The following CNTNAP2 variants were observed in gnomAD, a reference collection of about 807,000 sequenced individuals.
CNTNAP2 encodes contactin-associated protein-like 2.
CNTNAP2 carries 98 observed loss-of-function variants against 155.2 expected under a neutral mutation model. That is an observed-to-expected ratio of 0.63 (90% CI 0.54 to 0.75). The LOEUF (loss-of-function observed/expected upper bound fraction) is 0.75, where lower values mean the gene tolerates loss of function less well. CNTNAP2 is among the 30% of genes least tolerant of loss of function. The pLI is 0.00. For missense variants in CNTNAP2, 1,727 were observed against 1,688.1 expected (o/e 1.02, Z -0.40); for synonymous variants, 651 against 631.2 (o/e 1.03, Z -0.47).
At chr7:147,982,465 T>C (rs895883303) in intron 15 of CNTNAP2, among the ~76,000 whole-genome samples, 5 of 152,146 alleles carry the variant, frequency 3.3e-5, no homozygotes, top group Non-Finnish European at 5.9e-5. Flanking sequence ...AAATTCAGTT[T>C]CTCAGAGCTA....
At position 147,455,646 on chromosome 7, in the gene CNTNAP2, T is replaced by C. The variant is rs187771900; in HGVS notation, c.1671-30289T>C. On this transcript the variant is annotated intron_variant, in intron 10 of 23. Transcript: ENST00000361727. Reference sequence around the variant, plus strand: ...AGAGGGAAACTTTCCCCATTCTTTTTGTGAAGTAATTTCATCAATGAAAAA... The same window carrying C: ...AGAGGGAAACTTTCCCCATTCTTTTCGTGAAGTAATTTCATCAATGAAAAA... 7.2e-5 allele frequency among the ~76,000 whole-genome samples: 11 copies of C among 152,256 alleles called. No individual in the cohort carries two copies. The East Asian group carries it at 2.1e-3, about 29-fold the overall frequency.
chr7:148,310,577 G>A (rs558926408), intron 21 of CNTNAP2, among the ~76,000 whole-genome samples: 13 of 152,176 alleles, frequency 8.5e-5, no homozygotes, highest in Admixed American at 1.3e-4. Context: ...CTTTTTTGTC[G>A]TGTCGGTGTC....
intron 21 of CNTNAP2, among the ~76,000 whole-genome samples, chr7:148,326,100 C>T (rs1440863126): frequency 1.3e-5 from 2 of 151,910 alleles, no homozygotes; most frequent in Non-Finnish European, 2.9e-5. Flanking sequence ...CCCAAGTGCA[C>T]CCAAGAGAGC....
chr7:146,251,779 A>G lies in CNTNAP2; in HGVS notation c.97+134806A>G, dbSNP rs139147978. ...ATATATGACTCAGAGCTTCAGACTT[A>G]ACGTCATACATTTTCACATAGGTTT... On this transcript the variant is annotated intron_variant, in intron 1 of 23. Coordinates refer to ENST00000361727, the MANE Select transcript of CNTNAP2 (RefSeq NM_014141.6). Among the ~76,000 whole-genome samples, 1,140 of 152,302 alleles carry G rather than the reference A, an allele frequency of 7.5e-3. 15 individuals carry two copies. Among genetic ancestry groups the G allele is most frequent in the African/African-American group, 0.025 (1,042 of 41,558 alleles).
At chr7:147,544,213 A>G (rs142681527) in intron 11 of CNTNAP2, among the ~76,000 whole-genome samples, 1 of 152,144 alleles carries the variant, frequency 6.6e-6, no homozygotes, top group Non-Finnish European at 1.5e-5. Flanking sequence ...TAAATTGGCA[A>G]ATTATGTTTG....
chr7:147,466,697 G>A (rs962899230), intron 10 of CNTNAP2, among the ~76,000 whole-genome samples: 4 of 152,204 alleles, frequency 2.6e-5, no homozygotes, highest in East Asian at 3.9e-4. Flanking sequence ...TGGGCTGATC[G>A]CCTGAGGTCG....
chr7:147,245,381 A>G (rs1231519367), intron 8 of CNTNAP2, among the ~76,000 whole-genome samples: 1 of 152,080 alleles, frequency 6.6e-6, no homozygotes, highest in African/African-American at 2.4e-5. Context: ...TCTGTGGGGT[A>G]GCAAATAAGC....
intron 21 of CNTNAP2, among the ~76,000 whole-genome samples, chr7:148,369,235 A>G (rs1188115623): frequency 9.7e-6 from 1 of 102,834 alleles, no homozygotes; most frequent in Non-Finnish European, 1.7e-5. Flanking sequence ...GAGTGCCTCT[A>G]TTGCCCAGGC....
chr7:146,721,889 A>ATATTTTTTTTTTTTTTTTTTTTTT lies in CNTNAP2; in HGVS notation c.98-52381_98-52380insATTTTTTTTTTTTTTTTTTTTTTT. Among the ~76,000 whole-genome samples the ATATTTTTTTTTTTTTTTTTTTTTT allele has an allele frequency of 2.9e-5, 2 of 69,738 alleles. 1 individual carries two copies. Among genetic ancestry groups the ATATTTTTTTTTTTTTTTTTTTTTT allele is most frequent in the African/African-American group, 3.8e-4 (2 of 5,258 alleles). The allele number at this position is 69,738 out of a possible 152,430, so 45.8% of individuals were successfully genotyped here. A position where few individuals can be genotyped will look rare whatever the true frequency, so the allele number is the denominator to read the frequency against. On this transcript the variant is annotated intron_variant, in intron 1 of 23. Transcript: ENST00000361727. ...TGTGTGTGTGTGTATATATATATAT[A>ATATTTTTTTTTTTTTTTTTTTTTT]TTTTTTTTTTTTTTTTTGAGATGGA...
At chr7:146,225,043 A>G (rs1380205516) in intron 1 of CNTNAP2, among the ~76,000 whole-genome samples, 1 of 152,198 alleles carries the variant, frequency 6.6e-6, no homozygotes, top group Non-Finnish European at 1.5e-5. Context: ...AAAAGTTTGG[A>G]AAGCTAAGAA....
At chr7:147,324,100 G>C (rs1795407554) in intron 9 of CNTNAP2, among the ~76,000 whole-genome samples, 1 of 152,018 alleles carries the variant, frequency 6.6e-6, no homozygotes, top group African/African-American at 2.4e-5. Context: ...TAAGAGGCCA[G>C]AGAAAGTATC....
intron 1 of CNTNAP2, among the ~76,000 whole-genome samples, chr7:146,759,497 T>C (rs1265966525): frequency 6.6e-6 from 1 of 151,662 alleles, no homozygotes; most frequent in Non-Finnish European, 1.5e-5. Flanking sequence ...ATCAAGACCA[T>C]CCTGGCCAAC....
At chr7:147,053,280 G>C (rs1367517201) in intron 4 of CNTNAP2, among the ~76,000 whole-genome samples, 3 of 152,030 alleles carry the variant, frequency 2.0e-5, no homozygotes, top group African/African-American at 7.2e-5. Context: ...CAAATTTAAA[G>C]CATGGAAATA....
intron 11 of CNTNAP2, among the ~76,000 whole-genome samples, chr7:147,491,625 T>C (rs1477401523): frequency 6.6e-6 from 1 of 152,224 alleles, no homozygotes; most frequent in Non-Finnish European, 1.5e-5. Context: ...GCACAGACTA[T>C]GCACGCAGTG....
intron 1 of CNTNAP2, among the ~76,000 whole-genome samples, chr7:146,745,047 C>T (rs149829337): frequency 6.6e-6 from 1 of 152,244 alleles, no homozygotes; most frequent in African/African-American, 2.4e-5. Context: ...AGGTTGTGTG[C>T]TCTAGGGCTT....
Position 146,174,269 on chromosome 7 carries a change from A to G in CNTNAP2, c.97+57296A>G, listed in dbSNP as rs149702076. On this transcript the variant is annotated intron_variant, in intron 1 of 23. Transcript: ENST00000361727. The stretch of plus-strand genomic sequence containing the variant: ...AACAACAGAATACCGAATACCCATA[A>G]TAAGAAATGTAAGATTCTCCATGAA... Among the ~76,000 whole-genome samples, 650 of 152,110 alleles carry G rather than the reference A, an allele frequency of 4.3e-3. 3 individuals carry two copies. The highest frequency in any genetic ancestry group is 0.015 in the African/African-American group (614 of 41,518).
chr7:147,775,289 ATATATT>A (rs1185648418), intron 13 of CNTNAP2, among the ~76,000 whole-genome samples: 2,943 of 57,922 alleles, frequency 0.051, 188 homozygotes, highest in Admixed American at 0.068. Flanking sequence ...TTATAAATAT[ATATATT>A]TATATATATT....
rs1360213509 is a variant in CNTNAP2, at chr7:148,415,976, C to T, written c.*360C>T. On this transcript the variant is annotated 3_prime_UTR_variant, in exon 24 of 24. Coordinates refer to ENST00000361727, the MANE Select transcript of CNTNAP2 (RefSeq NM_014141.6). ...GCAAGTTTTCTACGTTTTTAAGAGC[C>T]CTTAGAACGTGGGTATTTTTTTTCT... is the stretch of plus-strand genomic sequence containing the variant. 1 of 275,174 alleles carries T rather than the reference C, an allele frequency of 3.6e-6. No individual in the cohort carries two copies. The highest frequency in any genetic ancestry group is 2.2e-5 in the African/African-American group (1 of 45,292). The allele number at this position is 275,174 out of a possible 1,614,324, so 17.0% of individuals were successfully genotyped here.
In CNTNAP2 at chr7:147,967,717, C is replaced by T. The variant is rs551773561; in HGVS notation, c.2256-10145C>T. ...AAGTCTTGTCCTCAAAGGGCTCACA[C>T]TGCATATCTACGTGAAGAAATATTG... On this transcript the variant is annotated intron_variant, in intron 14 of 23. Transcript: ENST00000361727. Among the ~76,000 whole-genome samples the T allele has an allele frequency of 1.3e-5, 2 of 152,308 alleles. 1 individual carries two copies. Among genetic ancestry groups the T allele is most frequent in the South Asian group, 4.1e-4 (2 of 4,828 alleles).
Sources: gnomAD v4.1 joint callset for allele counts (sites outside exome capture counted in the v4.1 genomes callset) on GRCh38, gnomAD v4.1.1 for gene constraint, MANE v1.5 for transcripts, NCBI Gene and HGNC (gene_info 2026-07-23, HGNC 2026-07-21) for gene names.